XRCC5: variants seen among roughly 807,000 people sequenced by gnomAD.
XRCC5 encodes DNA repair protein Ku80.
A neutral mutation model predicts 95.7 loss-of-function variants in XRCC5; 12 were observed. The ratio of observed to expected loss-of-function variants is 0.13; its 90% CI spans 0.08 to 0.20. XRCC5 has a LOEUF of 0.20. XRCC5 is among the 10% of genes least tolerant of loss of function. The pLI is 1.00. For missense variants in XRCC5, 595 were observed against 873.9 expected, an observed-to-expected ratio of 0.68 and a Z score of 4.02; for synonymous variants, 281 against 290.3, an observed-to-expected ratio of 0.97 and a Z score of 0.33.
chr2:216,170,037 C>CAAAAAAAAAAAAAA (rs71047982), intron 16 of XRCC5, among the ~76,000 whole-genome samples: 1 of 53,606 alleles, frequency 1.9e-5, no homozygotes, highest in African/African-American at 5.4e-5. Flanking sequence ...GACTGTGTCT[C>CAAAAAAAAAAAAAA]AAAAAAAAAA....
At chr2:216,156,518 T>TC in intron 14 of XRCC5, 7 of 615,308 alleles carry the variant, frequency 1.1e-5, no homozygotes, top group South Asian at 9.6e-5. Flanking sequence ...AAACAAGACT[T>TC]CCTCCATCAC....
At chr2:216,119,852 A>G (rs1199754622) in intron 5 of XRCC5, among the ~76,000 whole-genome samples, 1 of 152,198 alleles carries the variant, frequency 6.6e-6, no homozygotes, top group Non-Finnish European at 1.5e-5. Context: ...TTTTCACTAC[A>G]CTAACCCTTC....
rs559414223 is a variant in XRCC5 at position 216,199,269 on chromosome 2, C to T, written c.2109+4283C>T. 2.7e-4 allele frequency among the ~76,000 whole-genome samples: 41 copies of T among 152,254 alleles called. No homozygotes were observed. The South Asian group carries it at 8.3e-3, about 31-fold the overall frequency. On this transcript the variant is annotated intron_variant, in intron 19 of 20. Coordinates refer to ENST00000392132, the MANE Select transcript of XRCC5 (RefSeq NM_021141.4). The stretch of plus-strand genomic sequence containing the variant: ...TGACATTTGAAAGGAAATAATTATC[C>T]AGGGATGTTCATTTTAAATGAAAAT...
intron 14 of XRCC5, among the ~76,000 whole-genome samples, chr2:216,155,783 TATAC>T (rs1343264538): frequency 6.6e-6 from 1 of 152,122 alleles, no homozygotes. Context: ...AATAAAAATA[TATAC>T]ACATCTAAGA....
At chr2:216,122,705 T>C (rs2106004352) in intron 6 of XRCC5, among the ~76,000 whole-genome samples, 1 of 151,442 alleles carries the variant, frequency 6.6e-6, no homozygotes, top group African/African-American at 2.4e-5. Flanking sequence ...TACTATGGTA[T>C]AGTGATTTTT....
At chr2:216,112,072 A>C (rs920598529) in intron 1 of XRCC5, among the ~76,000 whole-genome samples, 1 of 152,248 alleles carries the variant, frequency 6.6e-6, no homozygotes, top group Admixed American at 6.5e-5. Context: ...ATTCACACTG[A>C]AATTGTGAGT....
intron 2 of XRCC5, among the ~76,000 whole-genome samples, chr2:216,113,848 A>AT (rs1371404616): frequency 1.3e-5 from 2 of 152,222 alleles, no homozygotes; most frequent in African/African-American, 2.4e-5. Flanking sequence ...TGGGTTTTCT[A>AT]TGAGACCCTG....
At chr2:216,178,603 A>G (rs1327487862) in intron 16 of XRCC5, among the ~76,000 whole-genome samples, 1 of 152,262 alleles carries the variant, frequency 6.6e-6, no homozygotes, top group Non-Finnish European at 1.5e-5. Flanking sequence ...TAAAACGTCA[A>G]GATGTCTTCA....
At chr2:216,161,522 C>T (rs1261456321) in intron 15 of XRCC5, among the ~76,000 whole-genome samples, 2 of 152,230 alleles carry the variant, frequency 1.3e-5, no homozygotes, top group Non-Finnish European at 2.9e-5. Flanking sequence ...GGGTCAGCAG[C>T]AGTCCCACTA....
At chr2:216,173,918 G>A (rs1689220239) in intron 16 of XRCC5, among the ~76,000 whole-genome samples, 24 of 152,142 alleles carry the variant, frequency 1.6e-4, no homozygotes, top group Admixed American at 1.6e-3. Context: ...AAATTACCCA[G>A]TCTTGGGTAT....
chr2:216,153,975 T>C (rs554862231), intron 14 of XRCC5, among the ~76,000 whole-genome samples: 1 of 152,348 alleles, frequency 6.6e-6, no homozygotes, highest in Admixed American at 6.5e-5. Context: ...GCTATTATTC[T>C]CTATTTCAGT....
At chr2:216,128,865 C>T (rs1696935694) in intron 8 of XRCC5, among the ~76,000 whole-genome samples, 1 of 152,230 alleles carries the variant, frequency 6.6e-6, no homozygotes, top group Non-Finnish European at 1.5e-5. Flanking sequence ...GGCTGAAAGA[C>T]ACTCGTTCAC....
intron 13 of XRCC5, among the ~76,000 whole-genome samples, chr2:216,147,386 G>A (rs1344430364): frequency 6.6e-6 from 1 of 152,126 alleles, no homozygotes; most frequent in Non-Finnish European, 1.5e-5. Context: ...CCTAGGGTAT[G>A]GTGAGCAGTT....
At chr2:216,111,396 C>T (rs1559234887) in intron 1 of XRCC5, 3 of 450,524 alleles carry the variant, frequency 6.7e-6, no homozygotes, top group Admixed American at 2.4e-5. Context: ...TGGTGGGGTG[C>T]AACTGTGGTC....
At chr2:216,161,939 G>T (rs776683354) in intron 15 of XRCC5, 40 bp from the exon 16 acceptor site, 1 of 1,582,232 alleles carries the variant, frequency 6.3e-7, no homozygotes, top group Non-Finnish European at 8.7e-7. Context: ...GCTAAAAAGA[G>T]AAATAACCTG....
intron 13 of XRCC5, among the ~76,000 whole-genome samples, chr2:216,146,349 T>G (rs1181162787): frequency 6.6e-6 from 1 of 152,108 alleles, no homozygotes; most frequent in Non-Finnish European, 1.5e-5. Context: ...CATCTTTTAT[T>G]TTTTTAGAAT....
Position 216,204,417 on chromosome 2 carries a change from C to T in XRCC5, c.2184+21C>T, listed in dbSNP as rs376032670. The T allele has an allele frequency of 2.9e-5, 47 of 1,613,012 alleles. No homozygotes were observed. The African/African-American group carries it at 4.9e-4, about 17-fold the overall frequency. ...ATTTAGTAAGTACTTTTAATATGCACCTGGTGTTCTATGATTGAAGTCACC... is the reference window on the plus strand; with the variant it reads ...ATTTAGTAAGTACTTTTAATATGCATCTGGTGTTCTATGATTGAAGTCACC... On this transcript the variant is annotated intron_variant, in intron 20 of 20. Transcript: ENST00000392132.
chr2:216,204,257 A>G (rs543493014), intron 19 of XRCC5, 65 bp from the exon 20 acceptor site: 7 of 1,590,242 alleles, frequency 4.4e-6, no homozygotes, highest in South Asian at 1.1e-5. Context: ...ATGCTAGCAG[A>G]TTGTTCCCTC....
At chr2:216,178,506 C>T (rs1464413680) in intron 16 of XRCC5, among the ~76,000 whole-genome samples, 2 of 152,054 alleles carry the variant, frequency 1.3e-5, no homozygotes, top group East Asian at 3.9e-4. Flanking sequence ...GGAGAACCCT[C>T]CATTCCCAGT....
Sources: allele counts gnomAD v4.1 joint callset (sites outside exome capture counted in the v4.1 genomes callset), GRCh38; gene constraint gnomAD v4.1.1; transcripts MANE v1.5; gene names NCBI Gene and HGNC (gene_info 2026-07-23, HGNC 2026-07-21).